PRORP: variants seen among roughly 807,000 people sequenced by gnomAD.
PRORP encodes the protein mitochondrial ribonuclease P catalytic subunit.
PRORP carries 51 observed loss-of-function variants against 59.4 expected under a neutral mutation model. The observed-to-expected ratio is 0.86, with a 90% CI of 0.69 to 1.08. The LOEUF (loss-of-function observed/expected upper bound fraction) is 1.08, where lower values mean the gene tolerates loss of function less well. PRORP is among the 50% of genes least tolerant of loss of function. The pLI is 0.00. For missense variants in PRORP, 646 were observed against 690.3 expected (o/e 0.94, Z 0.72); for synonymous variants, 231 against 245.6 (o/e 0.94, Z 0.55).
chr14:35,244,065 C>G (rs2050425764), intron 5 of PRORP, among the ~76,000 whole-genome samples: 1 of 152,210 alleles, frequency 6.6e-6, no homozygotes, highest in African/African-American at 2.4e-5. Flanking sequence ...ATTTTATATT[C>G]TAATTCCTCA....
intron 5 of PRORP, among the ~76,000 whole-genome samples, chr14:35,252,240 C>A (rs2138591951): frequency 6.6e-6 from 1 of 152,128 alleles, no homozygotes; most frequent in South Asian, 2.1e-4. Context: ...GCTTGGGTAA[C>A]ATGGTGAGAC....
intron 5 of PRORP, chr14:35,222,466 A>T (rs1436163656): frequency 6.6e-6 from 1 of 152,214 alleles, no homozygotes; most frequent in African/African-American, 2.4e-5. Context: ...GGAGAGAAAT[A>T]TTGGCACACC....
intron 4 of PRORP, among the ~76,000 whole-genome samples, chr14:35,178,365 G>T (rs575492924): frequency 2.6e-4 from 40 of 152,278 alleles, no homozygotes; most frequent in African/African-American, 9.6e-4. Flanking sequence ...CATTATTATT[G>T]TGTGGGTGTC....
intron 5 of PRORP, among the ~76,000 whole-genome samples, chr14:35,210,370 G>C (rs1434328915): frequency 3.3e-5 from 5 of 151,992 alleles, no homozygotes; most frequent in Non-Finnish European, 7.4e-5. Flanking sequence ...TCTCTGCTTT[G>C]AATTATATTG....
chr14:35,241,962 C>T (rs138827911), intron 5 of PRORP, among the ~76,000 whole-genome samples: 79 of 152,160 alleles, frequency 5.2e-4, no homozygotes, highest in African/African-American at 1.8e-3. Context: ...TTATTTACTC[C>T]CACTGGGCTC....
At chr14:35,216,106 A>ATATTTATATTTATATATAATATATAAT (rs1313362008) in intron 5 of PRORP, among the ~76,000 whole-genome samples, 1 of 147,776 alleles carries the variant, frequency 6.8e-6, no homozygotes, top group East Asian at 1.9e-4. Flanking sequence ...ATATATGTAT[A>ATATTTATATTTATATATAATATATAAT]TATTTATATT....
chr14:35,175,541 C>G (rs554685638), intron 4 of PRORP, among the ~76,000 whole-genome samples: 3 of 152,078 alleles, frequency 2.0e-5, no homozygotes, highest in East Asian at 1.9e-4. Flanking sequence ...TAAATGTCTT[C>G]TTTTGAGAAG....
chr14:35,129,840 T>C (rs2047193431), intron 4 of PRORP, among the ~76,000 whole-genome samples: 1 of 152,150 alleles, frequency 6.6e-6, no homozygotes, highest in Non-Finnish European at 1.5e-5. Context: ...TAGCCTATTA[T>C]TTTAAGCTGA....
At chr14:35,133,074 A>G (rs1434558695) in intron 4 of PRORP, among the ~76,000 whole-genome samples, 1 of 151,996 alleles carries the variant, frequency 6.6e-6, no homozygotes, top group Non-Finnish European at 1.5e-5. Flanking sequence ...GGTTCACGTC[A>G]CCACGCCCAG....
Position 35,126,109 on chromosome 14 carries a change from CAG to C in PRORP, c.987-625_987-624del, listed in dbSNP as rs559233793. 3.9e-4 allele frequency among the ~76,000 whole-genome samples: 59 copies of C among 152,168 alleles called. 1 individual carries two copies. In the East Asian group the frequency reaches 8.1e-3, roughly 21 times the overall value. On this transcript the variant is annotated intron_variant, in intron 2 of 7. Coordinates refer to ENST00000534898, the MANE Select transcript of PRORP (RefSeq NM_014672.4). ...ATAGGAGAGGGATTAAGATTGAAAA[CAG>C]GGAGATCTGCGTGAATACAATTTTA...
At chr14:35,214,099 C>T (rs1264410640) in intron 5 of PRORP, among the ~76,000 whole-genome samples, 4 of 152,134 alleles carry the variant, frequency 2.6e-5, no homozygotes, top group Non-Finnish European at 4.4e-5. Flanking sequence ...CATCACTTGT[C>T]AGAATGTTCA....
At chr14:35,132,513 T>A (rs1056898999) in intron 4 of PRORP, among the ~76,000 whole-genome samples, 1 of 151,668 alleles carries the variant, frequency 6.6e-6, no homozygotes, top group Non-Finnish European at 1.5e-5. Flanking sequence ...CCAGGCATTG[T>A]GGCTCACGCC....
At chr14:35,269,224 T>C (rs1423633524) in intron 6 of PRORP, among the ~76,000 whole-genome samples, 1 of 152,218 alleles carries the variant, frequency 6.6e-6, no homozygotes, top group Non-Finnish European at 1.5e-5. Context: ...AAATAACTCA[T>C]GTAAAACTCT....
intron 4 of PRORP, among the ~76,000 whole-genome samples, chr14:35,129,042 C>CA (rs58337817): frequency 0.19 from 22,055 of 116,596 alleles, 1,728 homozygotes; most frequent in South Asian, 0.25. Context: ...ACTAAAAATA[C>CA]AAAAAAAAAA....
chr14:35,233,773 A>G (rs1448002830), intron 5 of PRORP, among the ~76,000 whole-genome samples: 2 of 151,956 alleles, frequency 1.3e-5, no homozygotes, highest in East Asian at 1.9e-4. Flanking sequence ...TGATCACAGC[A>G]TGTGTTTTTC....
chr14:35,163,333 G>C (rs2048108142), intron 4 of PRORP, among the ~76,000 whole-genome samples: 1 of 151,904 alleles, frequency 6.6e-6, no homozygotes, highest in Non-Finnish European at 1.5e-5. Flanking sequence ...CTCTATTTTA[G>C]TTCTGTTTAT....
intron 5 of PRORP, among the ~76,000 whole-genome samples, chr14:35,202,417 AT>A (rs1307835522): frequency 6.6e-6 from 1 of 151,598 alleles, no homozygotes. Flanking sequence ...TCACCTTATG[AT>A]TTTTTTTCAG....
At chr14:35,127,982 A>T (rs1379171240) in intron 4 of PRORP, among the ~76,000 whole-genome samples, 1 of 152,222 alleles carries the variant, frequency 6.6e-6, no homozygotes, top group African/African-American at 2.4e-5. Context: ...AAAGATGCTT[A>T]TTCTTTCTGT....
rs10715 is a variant in PRORP at position 35,273,701 on chromosome 14, A to G, written c.*135A>G. 0.035 allele frequency: 25,410 copies of G among 728,726 alleles called. 637 individuals are homozygous for G. Among genetic ancestry groups the G allele is most frequent in the African/African-American group, 0.099 (5,433 of 54,862 alleles). The allele number at this position is 728,726 out of a possible 1,614,324, so 45.1% of individuals were successfully genotyped here. A position where few individuals can be genotyped will look rare whatever the true frequency, so the allele number is the denominator to read the frequency against. ...GATTCTATTAACAGCATTGACATTG[A>G]TTTTTTAATGAAATGAGATATATCT... is the stretch of plus-strand genomic sequence containing the variant. On this transcript the variant is annotated 3_prime_UTR_variant, in exon 8 of 8. Transcript: ENST00000534898.
Sources: gnomAD v4.1 joint callset for allele counts (sites outside exome capture counted in the v4.1 genomes callset) on GRCh38, gnomAD v4.1.1 for gene constraint, MANE v1.5 for transcripts, NCBI Gene and HGNC (gene_info 2026-07-23, HGNC 2026-07-21) for gene names.